MAGED1: variants seen among roughly 807,000 people sequenced by gnomAD.
The protein encoded by MAGED1 is melanoma-associated antigen D1.
A neutral mutation model predicts 54.1 loss-of-function variants in MAGED1; 3 were observed. The observed-to-expected ratio is 0.06, with a 90% CI of 0.03 to 0.14. The LOEUF (loss-of-function observed/expected upper bound fraction) is 0.14. Among genes scored for constraint, MAGED1 ranks in the 10% least tolerant of loss-of-function variants. The probability of loss-of-function intolerance (pLI) is 1.00; values close to 1 mark genes in which losing one functional copy is unlikely to be tolerated. For synonymous variants in MAGED1, 217 were observed against 227.3 expected (o/e 0.95, Z 0.41); for missense variants, 485 against 623.4 (o/e 0.78, Z 2.36).
At chrX:51,830,669 G>C (rs886930144) in intron 1 of MAGED1, among the ~76,000 whole-genome samples, 1 of 110,710 alleles carries the variant, frequency 9.0e-6, no homozygotes, top group Non-Finnish European at 1.9e-5. Flanking sequence ...AGCCTAGGGA[G>C]AGGGAGTGGT....
chrX:51,821,802 A>G (rs1557356552), intron 1 of MAGED1, among the ~76,000 whole-genome samples: 1 of 111,849 alleles, frequency 8.9e-6, no homozygotes, highest in Non-Finnish European at 1.9e-5. Context: ...ATGAAAAGTT[A>G]TCGGGCTTAA....
chrX:51,850,621 G>T (rs1926852085), intron 1 of MAGED1, among the ~76,000 whole-genome samples: 1 of 111,555 alleles, frequency 9.0e-6, no homozygotes, highest in Non-Finnish European at 1.9e-5. Context: ...AATGCTGGCT[G>T]GGCGCAGTGG....
At chrX:51,886,771 TG>T (rs1928248280) in intron 1 of MAGED1, among the ~76,000 whole-genome samples, 1 of 111,539 alleles carries the variant, frequency 9.0e-6, no homozygotes, top group African/African-American at 3.3e-5. Context: ...AATAGAATAC[TG>T]GGCTGGGCAC....
chrX:51,888,302 T>A (rs1412985786), intron 1 of MAGED1, among the ~76,000 whole-genome samples: 2 of 111,419 alleles, frequency 1.8e-5, no homozygotes, highest in Non-Finnish European at 3.8e-5. Flanking sequence ...TTTTTTTAAT[T>A]AAAAAATAGG....
intron 9 of MAGED1, 99 bp downstream of exon 9, chrX:51,898,426 G>A (rs1157072431): frequency 3.8e-6 from 4 of 1,054,094 alleles, no homozygotes; most frequent in Non-Finnish European, 5.2e-6. Context: ...GGAGGGTTTG[G>A]TTTGGGGATG....
intron 1 of MAGED1, among the ~76,000 whole-genome samples, chrX:51,848,513 G>A (rs1400211920): frequency 2.7e-5 from 3 of 111,530 alleles, no homozygotes; most frequent in Non-Finnish European, 5.6e-5. Flanking sequence ...TTAAAATTGG[G>A]AATCAGTCAC....
chrX:51,823,294 T>C (rs1314723473), intron 1 of MAGED1, among the ~76,000 whole-genome samples: 1 of 111,773 alleles, frequency 8.9e-6, no homozygotes, highest in Non-Finnish European at 1.9e-5. Context: ...TCTGTCAGTT[T>C]TTGGAATCTG....
chrX:51,839,186 A>G (rs1557358213), intron 1 of MAGED1, among the ~76,000 whole-genome samples: 1 of 111,831 alleles, frequency 8.9e-6, no homozygotes, highest in African/African-American at 3.2e-5. Context: ...CAGATTCACT[A>G]CTATTCGAAC....
In MAGED1 at chrX:51,895,887, A is replaced by G. The variant is rs141720399; in HGVS notation, c.753+127A>G. 6.2e-4 allele frequency: 331 copies of G among 531,387 alleles called. No homozygotes were observed. In the African/African-American group the frequency reaches 7.4e-3, roughly 12 times the overall value. 43.8% of individuals were successfully genotyped at this position (531,387 alleles called of 1,213,427 possible). A position where few individuals can be genotyped will look rare whatever the true frequency, so the allele number is the denominator to read the frequency against. On this transcript the variant is annotated intron_variant, in intron 3 of 12. Coordinates refer to ENST00000326587, the MANE Select transcript of MAGED1 (RefSeq NM_006986.4). ...CTAGGCTATAGGGCATTTGAAGAGA[A>G]TGTTTATTCCTGTCCTCCGGATGTT...
At chrX:51,844,039 T>A (rs1363968504) in intron 1 of MAGED1, among the ~76,000 whole-genome samples, 1 of 111,753 alleles carries the variant, frequency 8.9e-6, no homozygotes, top group Non-Finnish European at 1.9e-5. Context: ...TTAAAAAAGC[T>A]TCATGTGAAG....
intron 1 of MAGED1, among the ~76,000 whole-genome samples, chrX:51,809,342 C>T (rs1465505518): frequency 1.8e-5 from 2 of 111,257 alleles, no homozygotes; most frequent in East Asian, 2.8e-4. Context: ...TCTCGACCTC[C>T]TGACTTTGTG....
intron 1 of MAGED1, among the ~76,000 whole-genome samples, chrX:51,842,506 A>G (rs1364206324): frequency 9.0e-6 from 1 of 111,279 alleles, no homozygotes; most frequent in African/African-American, 3.3e-5. Flanking sequence ...AAGGGAGAAA[A>G]GGCAATGAGC....
At chrX:51,819,950 G>T (rs1429593412) in intron 1 of MAGED1, among the ~76,000 whole-genome samples, 1 of 111,664 alleles carries the variant, frequency 9.0e-6, no homozygotes, top group Non-Finnish European at 1.9e-5. Flanking sequence ...GTAAATCTTT[G>T]ATCTCTTTTG....
At chrX:51,860,629 G>A (rs782453287) in intron 1 of MAGED1, among the ~76,000 whole-genome samples, 13 of 111,448 alleles carry the variant, frequency 1.2e-4, no homozygotes, top group Non-Finnish European at 2.1e-4. Flanking sequence ...TTCTGCTGCT[G>A]TGAAGCAAGT....
intron 2 of MAGED1, chrX:51,894,632 T>C: frequency 8.4e-7 from 1 of 1,193,874 alleles, no homozygotes; most frequent in Non-Finnish European, 1.1e-6. Flanking sequence ...TCCAGAATCC[T>C]GACGCTTGTA....
intron 1 of MAGED1, among the ~76,000 whole-genome samples, chrX:51,818,791 G>C (rs12011061): frequency 0.015 from 1,727 of 111,924 alleles, 48 homozygotes; most frequent in African/African-American, 0.053. Context: ...AAAGAACTCT[G>C]AGAATCTCTA....
At chrX:51,883,971 C>T (rs1928154047) in intron 1 of MAGED1, among the ~76,000 whole-genome samples, 1 of 111,100 alleles carries the variant, frequency 9.0e-6, no homozygotes, top group Admixed American at 9.6e-5. Context: ...GAAAAATATA[C>T]TGAAAAACAA....
chrX:51,873,987 G>A (rs782338476), intron 1 of MAGED1, among the ~76,000 whole-genome samples: 1 of 111,792 alleles, frequency 8.9e-6, no homozygotes, highest in South Asian at 3.8e-4. Context: ...CTGTAGCTGA[G>A]AGAACATGGT....
intron 1 of MAGED1, among the ~76,000 whole-genome samples, chrX:51,840,362 C>T (rs1005552714): frequency 3.6e-5 from 4 of 110,355 alleles, no homozygotes; most frequent in Non-Finnish European, 5.7e-5. Context: ...AAAATTTTTT[C>T]GGAGTATAAA....
Sources: allele counts gnomAD v4.1 joint callset (sites outside exome capture counted in the v4.1 genomes callset), GRCh38; gene constraint gnomAD v4.1.1; transcripts MANE v1.5; gene names NCBI Gene and HGNC (gene_info 2026-07-23, HGNC 2026-07-21).